The following BRINP1 variants were observed in gnomAD, a reference collection of about 807,000 sequenced individuals.
BRINP1 encodes BMP/retinoic acid inducible neural specific 1.
Under a neutral mutation model 72.9 loss-of-function variants are expected in BRINP1, and 17 were observed. That is an observed-to-expected ratio of 0.23 (90% CI 0.16 to 0.35). The LOEUF (loss-of-function observed/expected upper bound fraction) is 0.35, where lower values mean the gene tolerates loss of function less well. Among genes scored for constraint, BRINP1 ranks in the 10% least tolerant of loss-of-function variants. The pLI is 1.00. For synonymous variants in BRINP1, 418 were observed against 378.5 expected (o/e 1.10, Z -1.21); for missense variants, 850 against 1,001.6 (o/e 0.85, Z 2.04).
chr9:119,342,229 T>C (rs1831413167), intron 1 of BRINP1, among the ~76,000 whole-genome samples: 1 of 152,170 alleles, frequency 6.6e-6, no homozygotes, highest in Non-Finnish European at 1.5e-5. Flanking sequence ...GTAGTGTAAA[T>C]AATACTTTTT....
chr9:119,223,557 C>T (rs1013901758), intron 5 of BRINP1, among the ~76,000 whole-genome samples: 5 of 152,082 alleles, frequency 3.3e-5, no homozygotes, highest in African/African-American at 1.2e-4. Context: ...GTCTCTCCTA[C>T]TCTATAAGCT....
At chr9:119,346,231 G>T (rs551580024) in intron 1 of BRINP1, among the ~76,000 whole-genome samples, 1 of 152,226 alleles carries the variant, frequency 6.6e-6, no homozygotes, top group East Asian at 1.9e-4. Context: ...AGATATTACA[G>T]AAGATAATAA....
chr9:119,201,525 C>T (rs1216735522), intron 7 of BRINP1, among the ~76,000 whole-genome samples: 1 of 152,168 alleles, frequency 6.6e-6, no homozygotes, highest in Non-Finnish European at 1.5e-5. Flanking sequence ...AAGAGCTGCT[C>T]TCGTTTAAGG....
chr9:119,198,819 G>A (rs1829773778), intron 7 of BRINP1, among the ~76,000 whole-genome samples: 1 of 151,906 alleles, frequency 6.6e-6, no homozygotes, highest in Admixed American at 6.6e-5. Flanking sequence ...TTACAGGTGT[G>A]CATCACCACG....
chr9:119,171,912 T>TAAAG (rs1829415151), intron 7 of BRINP1, among the ~76,000 whole-genome samples: 1 of 126,422 alleles, frequency 7.9e-6, no homozygotes, highest in Admixed American at 8.1e-5. Context: ...AAGGCAGAAA[T>TAAAG]AAAGATGTTC....
chr9:119,279,381 G>T (rs1182306869), intron 2 of BRINP1, among the ~76,000 whole-genome samples: 1 of 152,210 alleles, frequency 6.6e-6, no homozygotes, highest in African/African-American at 2.4e-5. Flanking sequence ...TCCCCTGTGA[G>T]GTGTCTCCAG....
intron 2 of BRINP1, among the ~76,000 whole-genome samples, chr9:119,302,220 T>C (rs571396077): frequency 1.3e-5 from 2 of 152,238 alleles, no homozygotes; most frequent in Non-Finnish European, 2.9e-5. Context: ...AATGTTAGTA[T>C]GTGTGTGAAG....
At chr9:119,198,597 T>C (rs536943076) in intron 7 of BRINP1, among the ~76,000 whole-genome samples, 4 of 152,288 alleles carry the variant, frequency 2.6e-5, no homozygotes, top group Non-Finnish European at 4.4e-5. Flanking sequence ...TTCTTGGAAA[T>C]AGAAAGTGTT....
At chr9:119,357,734 T>TG in intron 1 of BRINP1, among the ~76,000 whole-genome samples, 1 of 152,292 alleles carries the variant, frequency 6.6e-6, no homozygotes, top group South Asian at 2.1e-4. Context: ...ATATGAAAGA[T>TG]GGATGCCTTT....
At chr9:119,335,140 G>A (rs1056254620) in intron 1 of BRINP1, among the ~76,000 whole-genome samples, 1 of 152,146 alleles carries the variant, frequency 6.6e-6, no homozygotes, top group African/African-American at 2.4e-5. Context: ...CCCCTAAAAG[G>A]CTCAGATAAT....
Position 119,345,886 on chromosome 9 carries a change from TG to T in BRINP1, c.-51+23169del, listed in dbSNP as rs1432291287. Among the ~76,000 whole-genome samples the T allele has an allele frequency of 1.3e-4, 20 of 152,264 alleles. No individual in the cohort carries two copies. In the East Asian group the frequency reaches 3.9e-3, roughly 29 times the overall value. Reference sequence around the variant, plus strand: ...TGAGGTGGTTTTTTTTGTTTTGTTTTGTTTTTTTAATCACACCTACTTTACA... The same window carrying T: ...TGAGGTGGTTTTTTTTGTTTTGTTTTTTTTTTTAATCACACCTACTTTACA... On this transcript the variant is annotated intron_variant, in intron 1 of 7. Transcript: ENST00000265922.
chr9:119,241,238 CG>C (rs1273434388), intron 4 of BRINP1, among the ~76,000 whole-genome samples: 2 of 152,166 alleles, frequency 1.3e-5, no homozygotes, highest in Admixed American at 6.5e-5. Context: ...GCTACTATCT[CG>C]GCTAGCACAG....
At chr9:119,265,302 T>A (rs920089039) in intron 2 of BRINP1, among the ~76,000 whole-genome samples, 1 of 152,028 alleles carries the variant, frequency 6.6e-6, no homozygotes, top group African/African-American at 2.4e-5. Context: ...AGGGTTTGCA[T>A]ATAATCAGTC....
chr9:119,319,822 C>A (rs1195720152), intron 1 of BRINP1, among the ~76,000 whole-genome samples: 2 of 152,152 alleles, frequency 1.3e-5, no homozygotes, highest in Non-Finnish European at 2.9e-5. Flanking sequence ...CTGTGAATAT[C>A]CCATTACACA....
intron 1 of BRINP1, among the ~76,000 whole-genome samples, chr9:119,328,120 T>C (rs1435119317): frequency 6.6e-6 from 1 of 151,928 alleles, no homozygotes; most frequent in African/African-American, 2.4e-5. Flanking sequence ...GATAGTACGA[T>C]GGATGAAGGG....
At chr9:119,322,074 C>A (rs755256719) in intron 1 of BRINP1, among the ~76,000 whole-genome samples, 1 of 152,146 alleles carries the variant, frequency 6.6e-6, no homozygotes, top group Non-Finnish European at 1.5e-5. Flanking sequence ...ATAAATACAC[C>A]GGAAATATAC....
At chr9:119,178,345 A>T (rs1647968382) in intron 7 of BRINP1, among the ~76,000 whole-genome samples, 1 of 152,172 alleles carries the variant, frequency 6.6e-6, no homozygotes, top group Non-Finnish European at 1.5e-5. Context: ...GTGAGTCCTG[A>T]TCCCCCAGGT....
At chr9:119,302,444 T>C (rs1830947371) in intron 2 of BRINP1, among the ~76,000 whole-genome samples, 2 of 152,180 alleles carry the variant, frequency 1.3e-5, no homozygotes, top group Admixed American at 1.3e-4. Flanking sequence ...ATTATTAAAT[T>C]GTTTGGATCT....
chr9:119,342,117 G>A (rs1444390094), intron 1 of BRINP1, among the ~76,000 whole-genome samples: 1 of 148,746 alleles, frequency 6.7e-6, no homozygotes, highest in East Asian at 1.9e-4. Flanking sequence ...CAGAGACTTG[G>A]ATAGGCAAGA....
Sources: gnomAD v4.1 joint callset for allele counts (sites outside exome capture counted in the v4.1 genomes callset) on GRCh38, gnomAD v4.1.1 for gene constraint, MANE v1.5 for transcripts, NCBI Gene and HGNC (gene_info 2026-07-23, HGNC 2026-07-21) for gene names.